WDR72: variants seen among roughly 807,000 people sequenced by gnomAD.
WDR72 encodes the protein WD repeat domain 72.
A neutral mutation model predicts 124.2 loss-of-function variants in WDR72; 120 were observed. The observed-to-expected ratio is 0.97, with a 90% CI of 0.83 to 1.12. WDR72 has a LOEUF of 1.12. Ranked by LOEUF, WDR72 falls within the 50% of genes most tolerant of loss-of-function variation. The pLI is 0.00. For synonymous variants in WDR72, 452 were observed against 441.7 expected (o/e 1.02, Z -0.29); for missense variants, 1,387 against 1,278.8 (o/e 1.08, Z -1.29).
At chr15:53,570,236 A>C (rs1440979919) in intron 18 of WDR72, among the ~76,000 whole-genome samples, 2 of 150,182 alleles carry the variant, frequency 1.3e-5, no homozygotes, top group South Asian at 2.1e-4. Context: ...ATTGAGCTAA[A>C]TAACATATGT....
At chr15:53,627,453 T>C (rs750185120) in intron 14 of WDR72, among the ~76,000 whole-genome samples, 10 of 152,188 alleles carry the variant, frequency 6.6e-5, no homozygotes, top group Non-Finnish European at 1.2e-4. Context: ...GTAGAGTAGA[T>C]AGCAAATACT....
At chr15:53,588,116 TACAG>T (rs529697096) in intron 18 of WDR72, among the ~76,000 whole-genome samples, 5 of 152,038 alleles carry the variant, frequency 3.3e-5, no homozygotes, top group Non-Finnish European at 7.4e-5. Flanking sequence ...CTCTTTCTAG[TACAG>T]ACAATTAACA....
At position 53,706,069 on chromosome 15, in the gene WDR72, CTG is replaced by C; in HGVS notation, c.958_959del (p.Gln320GlufsTer11). 1 of 1,613,904 alleles carries C rather than the reference CTG, an allele frequency of 6.2e-7. No homozygotes were observed. On this transcript the variant is annotated frameshift_variant, in exon 10 of 20. Coordinates refer to ENST00000360509, the MANE Select transcript of WDR72 (RefSeq NM_182758.4). LOFTEE classifies it high-confidence loss of function. The part of the protein sequence containing the change: ...CSTSVQENKE[Q>X]SRPFVMGYMN... ...TGTAGCCCATAACAAAGGGACGGCT[CTG>C]TTCCTAAACAAAAAGTGAGCTTTTA...
rs145024399 is a variant in WDR72, at chr15:53,664,003, C to T, written c.1962+1569G>A. On this transcript the variant is annotated intron_variant, in intron 14 of 19. Transcript: ENST00000360509. ...AGAAAAAAAGCTGTCACCTAATCAC[C>T]GGTTTCAATATCTGAAGGAGGAAAG... Among the ~76,000 whole-genome samples, 407 of 152,024 alleles carry T rather than the reference C, an allele frequency of 2.7e-3. 1 individual carries two copies. Among genetic ancestry groups the T allele is most frequent in the Non-Finnish European group, 4.0e-3 (269 of 68,012 alleles).
At chr15:53,746,383 A>C (rs1251228463) in intron 1 of WDR72, among the ~76,000 whole-genome samples, 1 of 152,182 alleles carries the variant, frequency 6.6e-6, no homozygotes, top group Non-Finnish European at 1.5e-5. Flanking sequence ...AACATAGACA[A>C]ATCTCAAACC....
chr15:53,619,388 A>G (rs2013898288), intron 14 of WDR72, among the ~76,000 whole-genome samples: 1 of 151,800 alleles, frequency 6.6e-6, no homozygotes, highest in African/African-American at 2.4e-5. Context: ...ATCCAGGGGT[A>G]CTACCAAATA....
intron 18 of WDR72, among the ~76,000 whole-genome samples, chr15:53,569,235 G>A (rs1894414755): frequency 6.6e-6 from 1 of 151,878 alleles, no homozygotes; most frequent in Middle Eastern, 3.2e-3. Flanking sequence ...GTACTATGTT[G>A]AGCCTCTACA....
intron 17 of WDR72, among the ~76,000 whole-genome samples, chr15:53,605,044 T>C (rs2013216507): frequency 6.6e-6 from 1 of 152,196 alleles, no homozygotes; most frequent in East Asian, 1.9e-4. Context: ...AACATGTATG[T>C]TCATTGCAGA....
chr15:53,592,922 A>G (rs867162220), intron 18 of WDR72, among the ~76,000 whole-genome samples: 11 of 152,324 alleles, frequency 7.2e-5, no homozygotes, highest in South Asian at 4.1e-4. Flanking sequence ...CAAAGTAATC[A>G]TTATAAAAAC....
chr15:53,616,098 G>A lies in WDR72; in HGVS notation c.2108C>T (p.Ser703Phe), dbSNP rs759654585. ...CTCACCACCATAGAATGAACTGGAAGAGTCAACATCACTGAGTGGAGTTGG... is the reference window on the plus strand; with the variant it reads ...CTCACCACCATAGAATGAACTGGAAAAGTCAACATCACTGAGTGGAGTTGG... The part of the protein sequence containing the change: ...LLPTPLSDVD[S>F]SSSFYGGEVL... Residue 703 changes from serine to phenylalanine, a missense_variant, in exon 15 of 20, where the codon TCT (serine) becomes TTT (phenylalanine). Ser to Phe is a radical substitution (Grantham distance 155, BLOSUM62 -2). Coordinates refer to ENST00000360509, the MANE Select transcript of WDR72 (RefSeq NM_182758.4). The A allele has an allele frequency of 6.2e-7, 1 of 1,605,462 alleles. No homozygotes were observed. Among genetic ancestry groups the A allele is most frequent in the Non-Finnish European group, 8.5e-7 (1 of 1,174,820 alleles).
chr15:53,705,143 A>G lies in WDR72; in HGVS notation c.1193T>C (p.Leu398Pro), dbSNP rs774016958. 2 of 1,614,128 alleles carry G rather than the reference A, an allele frequency of 1.2e-6. No individual in the cohort carries two copies. Among genetic ancestry groups the G allele is most frequent in the Non-Finnish European group, 1.7e-6 (2 of 1,180,022 alleles). Residue 398 changes from leucine (L) to proline (P), a missense_variant, in exon 11 of 20, where the codon CTT (leucine) becomes CCT (proline). Leu to Pro is a moderately conservative substitution (Grantham distance 98). Transcript: ENST00000360509. Reference protein sequence around the residue: ...SQSIIDYFSGLKDGAGTAVVT... With the variant: ...SQSIIDYFSGPKDGAGTAVVT... ...TACAGCAGTTCCTGCCCCATCTTTA[A>G]GCCCAGAGAAATAGTCAATAATACT... is the stretch of plus-strand genomic sequence containing the variant.
intron 1 of WDR72, among the ~76,000 whole-genome samples, chr15:53,758,545 A>G (rs1442184883): frequency 1.3e-5 from 2 of 152,070 alleles, no homozygotes; most frequent in African/African-American, 2.4e-5. Flanking sequence ...TTTACAAAAA[A>G]AAAGCTGCAC....
At chr15:53,609,488 G>A (rs1906396) in intron 17 of WDR72, 25 bp downstream of exon 17, 31 of 1,596,692 alleles carry the variant, frequency 1.9e-5, no homozygotes, top group Middle Eastern at 3.3e-4. Context: ...TTCTAATAAC[G>A]TCATGAATGT....
chr15:53,743,287 A>G (rs961699044), intron 1 of WDR72, among the ~76,000 whole-genome samples: 1 of 152,180 alleles, frequency 6.6e-6, no homozygotes, highest in Admixed American at 6.5e-5. Context: ...ATAGAGTTTA[A>G]TTATATATAG....
chr15:53,759,749 C>T (rs1346482440), upstream of WDR72: 5 of 149,062 alleles, frequency 3.4e-5, no homozygotes, highest in African/African-American at 1.3e-4. Flanking sequence ...CGGTCCTGCC[C>T]CCGCAGCGCG....
At chr15:53,676,959 C>T (rs1237129552) in intron 13 of WDR72, among the ~76,000 whole-genome samples, 2 of 141,818 alleles carry the variant, frequency 1.4e-5, no homozygotes, top group African/African-American at 5.3e-5. Context: ...CTCACTTGGT[C>T]GCCCAGGCTG....
intron 17 of WDR72, among the ~76,000 whole-genome samples, chr15:53,598,655 T>A (rs973892040): frequency 6.6e-6 from 1 of 152,196 alleles, no homozygotes; most frequent in African/African-American, 2.4e-5. Flanking sequence ...GCTTCCTGAT[T>A]GCTGATTATC....
chr15:53,655,594 C>T (rs560574727), intron 14 of WDR72, among the ~76,000 whole-genome samples: 1 of 152,300 alleles, frequency 6.6e-6, no homozygotes, highest in East Asian at 1.9e-4. Context: ...GAAAACAAAA[C>T]ATCTGCTACC....
At chr15:53,753,840 A>T (rs1332679145) in intron 1 of WDR72, among the ~76,000 whole-genome samples, 1 of 152,298 alleles carries the variant, frequency 6.6e-6, no homozygotes, top group African/African-American at 2.4e-5. Context: ...TTTCTCAAGT[A>T]ATCCACACAT....
Sources: allele counts gnomAD v4.1 joint callset (sites outside exome capture counted in the v4.1 genomes callset), GRCh38; gene constraint gnomAD v4.1.1; transcripts MANE v1.5; gene names NCBI Gene and HGNC (gene_info 2026-07-23, HGNC 2026-07-21).